PGAP2: variants seen among roughly 807,000 people sequenced by gnomAD.
The protein encoded by PGAP2 is acyltransferase PGAP2.
In PGAP2, 21 loss-of-function variants were observed where a neutral mutation model predicts 33.2. That is an observed-to-expected ratio of 0.63 (90% confidence interval 0.45 to 0.91). The LOEUF is 0.91. PGAP2 is among the 40% of genes least tolerant of loss of function. The probability of loss-of-function intolerance (pLI) is 0.00; values close to 1 mark genes in which losing one functional copy is unlikely to be tolerated. For synonymous variants in PGAP2, 161 were observed against 172.9 expected (o/e 0.93, Z 0.54); for missense variants, 345 against 424.0 (o/e 0.81, Z 1.64).
rs774686456 is a variant in PGAP2, at chr11:3,811,202, G to A, written c.-10-48G>A. On this transcript the variant is annotated intron_variant, in intron 1 of 6. Coordinates refer to ENST00000278243, the MANE Select transcript of PGAP2 (RefSeq NM_014489.4). This position sits in a 1 kb window ranked among gnomAD's most constrained non-coding sequence, Gnocchi z 4.6. ...ACAAGGGCTGACTTTATCACTGAGT[G>A]CCAGCCTGGCTGCCTGGGGCCCTGA... 6.4e-7 allele frequency: 1 copy of A among 1,562,666 alleles called. No homozygotes were observed. The highest frequency in any genetic ancestry group is 1.2e-5 in the South Asian group (1 of 84,182).
Position 3,811,106 on chromosome 11 carries a change from C to G in PGAP2, c.-10-144C>G. ...CAGTCTTCCTCATCCAGGGCAAGAGCTATCCAAGTTTAGGTGCCTTCCTCC... is the reference window on the plus strand; with the variant it reads ...CAGTCTTCCTCATCCAGGGCAAGAGGTATCCAAGTTTAGGTGCCTTCCTCC... On this transcript the variant is annotated intron_variant, in intron 1 of 6. Transcript: ENST00000278243. This position sits in a 1 kb window ranked among gnomAD's most constrained non-coding sequence, Gnocchi z 4.6. The G allele has an allele frequency of 1.6e-6, 1 of 624,618 alleles. No homozygotes were observed. Among genetic ancestry groups the G allele is most frequent in the South Asian group, 2.1e-5 (1 of 47,730 alleles). The allele number at this position is 624,618 out of a possible 1,614,324, so 38.7% of individuals were successfully genotyped here. A position where few individuals can be genotyped will look rare whatever the true frequency, so the allele number is the denominator to read the frequency against.
chr11:3,812,062 G>A (rs1489592620), intron 2 of PGAP2, among the ~76,000 whole-genome samples: 4 of 151,930 alleles, frequency 2.6e-5, no homozygotes, highest in Admixed American at 2.0e-4. Flanking sequence ...GGTGAGTCCC[G>A]TGGCCTCTAA....
At chr11:3,805,850 C>T (rs1385434816), upstream of PGAP2, among the ~76,000 whole-genome samples, 1 of 151,776 alleles carries the variant, frequency 6.6e-6, no homozygotes. Context: ...TCACGCCTAG[C>T]TAATTTTTGT....
chr11:3,804,455 C>G (rs902090618), upstream of PGAP2, among the ~76,000 whole-genome samples: 7 of 152,078 alleles, frequency 4.6e-5, no homozygotes, highest in African/African-American at 1.4e-4. Context: ...CCAGGAAGGA[C>G]ACTGATTTTC....
rs200711764 is a variant in PGAP2 at position 3,814,822 on chromosome 11, CTTTT to C, written c.166-2527_166-2524del. Among the ~76,000 whole-genome samples, 204 of 111,556 alleles carry C rather than the reference CTTTT, an allele frequency of 1.8e-3. 2 individuals are homozygous for C. Among genetic ancestry groups the C allele is most frequent in the African/African-American group, 5.9e-3 (199 of 33,598 alleles). The allele number at this position is 111,556 out of a possible 152,430, so 73.2% of individuals were successfully genotyped here. A position where few individuals can be genotyped will look rare whatever the true frequency, so the allele number is the denominator to read the frequency against. On this transcript the variant is annotated intron_variant, in intron 2 of 6. Transcript: ENST00000278243. ...TTTCTTTCTTTCTTTCTCTTTCTTT[CTTTT>C]TTTCTTTTTTTCCTTCTTTCTTTCC...
At chr11:3,815,254 G>A (rs1433553854) in intron 2 of PGAP2, among the ~76,000 whole-genome samples, 5 of 151,700 alleles carry the variant, frequency 3.3e-5, no homozygotes, top group Non-Finnish European at 2.9e-5. Flanking sequence ...CGTGGCTTCA[G>A]GTCAGCCCTG....
chr11:3,813,764 T>G (rs1453852418), intron 2 of PGAP2, among the ~76,000 whole-genome samples: 2 of 152,190 alleles, frequency 1.3e-5, no homozygotes, highest in Admixed American at 1.3e-4. Flanking sequence ...AAGTCAATCA[T>G]AGTCCAAGCA....
rs374842726 is a variant in PGAP2 at position 3,802,433 on chromosome 11, C to T, written c.139+4451C>T. 1.6e-4 allele frequency among the ~76,000 whole-genome samples: 24 copies of T among 152,284 alleles called. No homozygotes were observed. In the East Asian group the frequency reaches 2.5e-3, roughly 16 times the overall value. ...TTAGGTATCATCATCTTCCTTCTTC[C>T]GTTCTAAAGACAAGGAGTTTGATGC... On this transcript the variant is annotated intron_variant, in intron 1 of 6. Transcript: ENST00000300730.
upstream of PGAP2, among the ~76,000 whole-genome samples, chr11:3,806,539 G>C (rs915869511): frequency 1.3e-5 from 2 of 152,038 alleles, no homozygotes; most frequent in African/African-American, 4.8e-5. Context: ...GCCTAGACTG[G>C]GTGAATGAAC....
chr11:3,799,655 T>TA (rs2083169008), intron 1 of PGAP2, among the ~76,000 whole-genome samples: 1 of 152,090 alleles, frequency 6.6e-6, no homozygotes, highest in African/African-American at 2.4e-5. Flanking sequence ...GGATTAGAGA[T>TA]AATTGATTTA....
chr11:3,797,923 C>T (rs763253326), exon 1 of PGAP2: 3 of 1,547,660 alleles, frequency 1.9e-6, no homozygotes, highest in African/African-American at 2.8e-5. Flanking sequence ...TTCCTTGGAG[C>T]GCCGCGACTC....
intron 3 of PGAP2, among the ~76,000 whole-genome samples, chr11:3,822,058 C>CCAAAAACAAAAG (rs2088817339): frequency 6.6e-6 from 1 of 151,158 alleles, no homozygotes; most frequent in South Asian, 2.1e-4. Flanking sequence ...GACCCTGTCT[C>CCAAAAACAAAAG]CAAAAACAAA....
intron 2 of PGAP2, among the ~76,000 whole-genome samples, chr11:3,813,798 A>G (rs930378536): frequency 6.6e-6 from 1 of 152,246 alleles, no homozygotes; most frequent in Non-Finnish European, 1.5e-5. Flanking sequence ...TGTATAGTAT[A>G]TGGAGTTAAA....
rs143703749 is a variant in PGAP2, at chr11:3,812,620, G to A, written c.165+1196G>A. Among the ~76,000 whole-genome samples, 31 of 152,290 alleles carry A rather than the reference G, an allele frequency of 2.0e-4. No individual in the cohort carries two copies. The East Asian group carries it at 4.6e-3, about 23-fold the overall frequency. Reference sequence around the variant, plus strand: ...TGAACTTAACCTAGGGGCTTTAGGTGGAGAAGAGGCAGATTCTGCGCATGG... The same window carrying A: ...TGAACTTAACCTAGGGGCTTTAGGTAGAGAAGAGGCAGATTCTGCGCATGG... On this transcript the variant is annotated intron_variant, in intron 2 of 6. Coordinates refer to ENST00000278243, the MANE Select transcript of PGAP2 (RefSeq NM_014489.4).
chr11:3,808,733 G>C, intron 1 of PGAP2, 82 bp downstream of exon 1: 1 of 696,618 alleles, frequency 1.4e-6, no homozygotes, highest in Non-Finnish European at 1.8e-6. Flanking sequence ...CTGCAGGGCC[G>C]GGCCCCACGC....
intron 2 of PGAP2, among the ~76,000 whole-genome samples, chr11:3,815,741 G>T (rs895476399): frequency 6.6e-6 from 1 of 152,228 alleles, no homozygotes; most frequent in Admixed American, 6.5e-5. Context: ...TTAGACCTCT[G>T]TTGAGGCAGC....
chr11:3,802,096 A>C (rs1266098685), intron 1 of PGAP2, among the ~76,000 whole-genome samples: 1 of 84,488 alleles, frequency 1.2e-5, no homozygotes, highest in Admixed American at 1.2e-4. Context: ...TTTTTGCTAT[A>C]AAATGGTTCT....
At chr11:3,812,243 C>A (rs2085741329) in intron 2 of PGAP2, among the ~76,000 whole-genome samples, 1 of 152,098 alleles carries the variant, frequency 6.6e-6, no homozygotes, top group South Asian at 2.1e-4. Flanking sequence ...GAGACAGAGA[C>A]CCAGCCTCAG....
At chr11:3,824,965 G>A (rs1307327262) in intron 5 of PGAP2, 55 bp from the exon 6 acceptor site, 2 of 1,610,242 alleles carry the variant, frequency 1.2e-6, no homozygotes, top group Non-Finnish European at 1.7e-6. Flanking sequence ...TGAGAGGGGA[G>A]CCCACGCTCT....
Sources: gnomAD v4.1 joint callset for allele counts (sites outside exome capture counted in the v4.1 genomes callset) on GRCh38, gnomAD v4.1.1 for gene constraint, Gnocchi (gnomAD v3.1) non-coding constraint, MANE v1.5 for transcripts, NCBI Gene and HGNC (gene_info 2026-07-23, HGNC 2026-07-21) for gene names.